The following KCNIP4 variants were observed in gnomAD, a reference collection of about 807,000 sequenced individuals.
KCNIP4 encodes the protein Kv channel-interacting protein 4.
A neutral mutation model predicts 34.0 loss-of-function variants in KCNIP4; 12 were observed. The observed-to-expected ratio is 0.35, with a 90% CI of 0.23 to 0.57. The LOEUF (loss-of-function observed/expected upper bound fraction) is 0.57, where lower values mean the gene tolerates loss of function less well. Ranked by LOEUF, KCNIP4 falls within the 20% of genes least tolerant of loss-of-function variation. The probability of loss-of-function intolerance (pLI) is 0.83; values close to 1 mark genes in which losing one functional copy is unlikely to be tolerated. For missense variants in KCNIP4, 238 were observed against 311.7 expected (o/e 0.76, Z 1.78); for synonymous variants, 124 against 102.2 (o/e 1.21, Z -1.29).
chr4:21,418,294 C>T (rs907110748), intron 1 of KCNIP4, among the ~76,000 whole-genome samples: 1 of 152,118 alleles, frequency 6.6e-6, no homozygotes, highest in African/African-American at 2.4e-5. Flanking sequence ...GCAGTAAGAA[C>T]CAGATCTCCC....
chr4:20,859,302 G>C (rs1336643305), intron 2 of KCNIP4, among the ~76,000 whole-genome samples: 1 of 152,330 alleles, frequency 6.6e-6, no homozygotes, highest in Non-Finnish European at 1.5e-5. Context: ...ACCAGAACCA[G>C]ATGGGACTCT....
intron 1 of KCNIP4, among the ~76,000 whole-genome samples, chr4:21,326,289 CAT>C (rs61553563): frequency 0.075 from 11,148 of 148,434 alleles, 672 homozygotes; most frequent in African/African-American, 0.17. Flanking sequence ...GTTGGATATA[CAT>C]ATATATATAT....
At chr4:20,788,923 G>T (rs1712361996) in intron 3 of KCNIP4, among the ~76,000 whole-genome samples, 1 of 152,132 alleles carries the variant, frequency 6.6e-6, no homozygotes, top group Non-Finnish European at 1.5e-5. Flanking sequence ...CTCTATCAAG[G>T]CTTGAGCTCA....
chr4:21,559,455 T>G (rs1018287166), intron 1 of KCNIP4, among the ~76,000 whole-genome samples: 1 of 152,134 alleles, frequency 6.6e-6, no homozygotes, highest in Non-Finnish European at 1.5e-5. Flanking sequence ...ATTCACCATG[T>G]ATGTATTCAT....
intron 1 of KCNIP4, among the ~76,000 whole-genome samples, chr4:21,870,430 T>C (rs113205748): frequency 0.011 from 1,705 of 152,280 alleles, 12 homozygotes; most frequent in Middle Eastern, 0.02. Context: ...GTAACCTTTA[T>C]GTCATAACAG....
At chr4:21,001,059 G>A (rs1738089495) in intron 1 of KCNIP4, among the ~76,000 whole-genome samples, 1 of 152,086 alleles carries the variant, frequency 6.6e-6, no homozygotes, top group South Asian at 2.1e-4. Flanking sequence ...ATTTTTACCA[G>A]CTTTATTCAT....
At chr4:21,348,559 A>G (rs1717694107) in intron 1 of KCNIP4, among the ~76,000 whole-genome samples, 1 of 152,212 alleles carries the variant, frequency 6.6e-6, no homozygotes, top group African/African-American at 2.4e-5. Flanking sequence ...GAAGACAACC[A>G]TCACAGCTTC....
At chr4:21,171,936 G>A (rs530680333) in intron 1 of KCNIP4, among the ~76,000 whole-genome samples, 12 of 152,268 alleles carry the variant, frequency 7.9e-5, no homozygotes, top group Admixed American at 2.6e-4. Flanking sequence ...TCATTGAATC[G>A]ATAGGATTTC....
intron 1 of KCNIP4, among the ~76,000 whole-genome samples, chr4:21,870,387 G>C (rs779914740): frequency 6.6e-6 from 1 of 152,140 alleles, no homozygotes; most frequent in Non-Finnish European, 1.5e-5. Flanking sequence ...CTAGGGTCCC[G>C]TATGCACAAC....
At chr4:21,025,710 C>A in intron 1 of KCNIP4, among the ~76,000 whole-genome samples, 1 of 151,604 alleles carries the variant, frequency 6.6e-6, no homozygotes, top group Non-Finnish European at 1.5e-5. Context: ...CCCACCACCA[C>A]GCCCGGCTAA....
intron 1 of KCNIP4, among the ~76,000 whole-genome samples, chr4:21,539,390 A>C (rs1453236535): frequency 6.6e-6 from 1 of 152,160 alleles, no homozygotes; most frequent in Non-Finnish European, 1.5e-5. Flanking sequence ...TAAAATAACC[A>C]ACAGAAAGTG....
intron 1 of KCNIP4, among the ~76,000 whole-genome samples, chr4:21,629,614 T>C (rs1745572933): frequency 6.6e-6 from 1 of 152,090 alleles, no homozygotes; most frequent in Non-Finnish European, 1.5e-5. Context: ...TGTATGTAAA[T>C]AGAAATAAAA....
intron 3 of KCNIP4, among the ~76,000 whole-genome samples, chr4:20,805,312 A>G (rs751049350): frequency 6.7e-6 from 1 of 150,168 alleles, no homozygotes; most frequent in African/African-American, 2.5e-5. Flanking sequence ...CTAGTATTAC[A>G]GGAATAAGCC....
intron 1 of KCNIP4, among the ~76,000 whole-genome samples, chr4:21,247,764 C>CTATATATATATATATATA (rs1560212682): frequency 1.5e-5 from 1 of 66,374 alleles, no homozygotes; most frequent in African/African-American, 7.0e-5. Flanking sequence ...ATATATACAC[C>CTATATATATATATATATA]CCACAGGTGT....
At chr4:20,759,793 G>A (rs566901259) in intron 3 of KCNIP4, among the ~76,000 whole-genome samples, 15 of 152,294 alleles carry the variant, frequency 9.8e-5, no homozygotes, top group African/African-American at 2.9e-4. Context: ...GAATTTAGGC[G>A]TAGAGGCCCC....
intron 1 of KCNIP4, among the ~76,000 whole-genome samples, chr4:21,185,223 T>C (rs1755125907): frequency 6.6e-6 from 1 of 152,046 alleles, no homozygotes; most frequent in Non-Finnish European, 1.5e-5. Flanking sequence ...CATTTTGGAG[T>C]AGCTTTTGTC....
intron 1 of KCNIP4, among the ~76,000 whole-genome samples, chr4:21,004,279 T>C (rs910283269): frequency 1.3e-5 from 2 of 152,066 alleles, no homozygotes; most frequent in South Asian, 2.1e-4. Context: ...TTTTGAGAGG[T>C]AAAATAACCA....
At chr4:21,749,706 C>T (rs1032067098) in intron 1 of KCNIP4, among the ~76,000 whole-genome samples, 4 of 152,078 alleles carry the variant, frequency 2.6e-5, no homozygotes, top group South Asian at 2.1e-4. Context: ...GCTATACTGC[C>T]GTCACACTGA....
intron 1 of KCNIP4, among the ~76,000 whole-genome samples, chr4:21,647,863 C>CTTTTTTTTT (rs10539950): frequency 1.7e-5 from 1 of 60,198 alleles, no homozygotes. Flanking sequence ...TACAATGATG[C>CTTTTTTTTT]TTTTTTTTTT....
Sources: gnomAD v4.1 joint callset for allele counts (sites outside exome capture counted in the v4.1 genomes callset) on GRCh38, gnomAD v4.1.1 for gene constraint, MANE v1.5 for transcripts, NCBI Gene and HGNC (gene_info 2026-07-23, HGNC 2026-07-21) for gene names.